CAPRIN1: variants seen among roughly 807,000 people sequenced by gnomAD.
CAPRIN1 encodes the protein cell cycle associated protein 1.
In CAPRIN1, 29 loss-of-function variants were observed where a neutral mutation model predicts 100.9. The observed-to-expected ratio is 0.29, with a 90% CI of 0.21 to 0.39. The LOEUF (loss-of-function observed/expected upper bound fraction) is 0.39. CAPRIN1 is among the 10% of genes least tolerant of loss of function. CAPRIN1 has a pLI of 1.00. For synonymous variants in CAPRIN1, 338 were observed against 307.5 expected (o/e 1.10, Z -1.04); for missense variants, 795 against 876.7 (o/e 0.91, Z 1.18).
At chr11:34,072,182 G>C (rs1412429370) in intron 4 of CAPRIN1, among the ~76,000 whole-genome samples, 195 bp downstream of exon 4, 1 of 151,796 alleles carries the variant, frequency 6.6e-6, no homozygotes, top group Non-Finnish European at 1.5e-5. Context: ...TTTGAAATTG[G>C]GGGCGGTGGC....
At chr11:34,052,304 G>A (rs993516193) in intron 1 of CAPRIN1, 117 bp from the exon 2 acceptor site, 5 of 863,690 alleles carry the variant, frequency 5.8e-6, no homozygotes, top group Admixed American at 2.8e-5. Context: ...TCCCCCACCC[G>A]CTCGCGTAGG....
At chr11:34,082,210 G>A (rs908821878) in intron 7 of CAPRIN1, among the ~76,000 whole-genome samples, 2 of 151,900 alleles carry the variant, frequency 1.3e-5, no homozygotes, top group East Asian at 1.9e-4. Context: ...TTTTTGAGAT[G>A]GAGTTTTGCT....
intron 7 of CAPRIN1, among the ~76,000 whole-genome samples, chr11:34,080,358 G>T (rs1851003290): frequency 6.6e-6 from 1 of 152,154 alleles, no homozygotes; most frequent in Non-Finnish European, 1.5e-5. Context: ...TAGTATTGAT[G>T]GGCAGGAGTA....
chr11:34,082,059 A>G (rs1191888552), intron 7 of CAPRIN1, among the ~76,000 whole-genome samples: 4 of 151,966 alleles, frequency 2.6e-5, no homozygotes, highest in Admixed American at 1.3e-4. Flanking sequence ...TGATCCCCCA[A>G]CCTCGGCCTC....
intron 2 of CAPRIN1, among the ~76,000 whole-genome samples, chr11:34,054,849 TTG>T (rs1435732832): frequency 6.6e-6 from 1 of 152,204 alleles, no homozygotes; most frequent in Non-Finnish European, 1.5e-5. Context: ...ATATTAATGA[TTG>T]TGAACATTAA....
chr11:34,081,518 G>C (rs1369339377), intron 7 of CAPRIN1, among the ~76,000 whole-genome samples: 4 of 149,798 alleles, frequency 2.7e-5, no homozygotes, highest in Non-Finnish European at 4.4e-5. Flanking sequence ...TTTTGAGTCA[G>C]AGTCTAGTTC....
chr11:34,097,608 G>A, intron 17 of CAPRIN1, 90 bp from the exon 18 acceptor site: 1 of 1,436,486 alleles, frequency 7.0e-7, no homozygotes, highest in South Asian at 1.2e-5. Flanking sequence ...GATTAAGGAA[G>A]AATTCTGTAT....
chr11:34,085,492 T>G (rs550365657), intron 9 of CAPRIN1, among the ~76,000 whole-genome samples: 3 of 152,332 alleles, frequency 2.0e-5, no homozygotes, highest in South Asian at 4.1e-4. Context: ...AGGTAATCTT[T>G]CTTTGAAAGC....
chr11:34,083,135 A>G (rs1565093098), intron 9 of CAPRIN1, 94 bp downstream of exon 9: 1 of 822,040 alleles, frequency 1.2e-6, no homozygotes, highest in Non-Finnish European at 2.0e-6. Context: ...TTTTTGCATT[A>G]TTAGTACATT....
At chr11:34,052,972 C>T (rs1850361187) in intron 2 of CAPRIN1, 2 of 1,091,406 alleles carry the variant, frequency 1.8e-6, no homozygotes, top group South Asian at 2.7e-5. Flanking sequence ...GTATGGTGCC[C>T]TTCTTTCCGT....
intron 2 of CAPRIN1, chr11:34,063,297 A>G (rs1233261818): frequency 6.6e-6 from 1 of 152,220 alleles, no homozygotes; most frequent in Non-Finnish European, 1.5e-5. Flanking sequence ...GGAATCCAGA[A>G]TGACATTCTA....
rs1241522343 is a variant in CAPRIN1, at chr11:34,092,039, A to G, written c.1688A>G (p.Gln563Arg). 6.2e-7 allele frequency: 1 copy of G among 1,614,004 alleles called. No homozygotes were observed. Among genetic ancestry groups the G allele is most frequent in the South Asian group, 1.1e-5 (1 of 91,036 alleles). ...CAAGTAGAACAAACAGAGCTTCAGC[A>G]AGAACAGCTTCAAACAGGTACGAAA... The part of the protein sequence containing the change: ...PHQVEQTELQ[Q>R]EQLQTVVGTY... Residue 563 changes from glutamine to arginine, a missense_variant, in exon 15 of 19, where the codon CAA (glutamine) becomes CGA (arginine). Physicochemically the swap from Gln to Arg is conservative, Grantham distance 43. Around this residue, in one of 3 missense-constraint regions of CAPRIN1, gnomAD observed 648 missense variants for 697.9 expected, o/e 0.93. Transcript: ENST00000341394.
chr11:34,052,743 T>C, intron 2 of CAPRIN1, 107 bp downstream of exon 2: 1 of 1,425,630 alleles, frequency 7.0e-7, no homozygotes, highest in Non-Finnish European at 9.5e-7. Context: ...GGAGCGTTAC[T>C]AGGTCCCCTC....
At position 34,102,114 on chromosome 11, in the gene CAPRIN1, A is replaced by G. The variant is rs188462784; in HGVS notation, c.*2747A>G. Among the ~76,000 whole-genome samples the G allele has an allele frequency of 9.8e-5, 15 of 152,314 alleles. No homozygotes were observed. The highest frequency in any genetic ancestry group is 3.4e-4 in the African/African-American group (14 of 41,560). On this transcript the variant is annotated 3_prime_UTR_variant, in exon 19 of 19. Transcript: ENST00000341394. ...GTATTTCTAATCAGTTAGCTTCTAC[A>G]GTTCTTTTGTCTCCTTTTATATGCA...
chr11:34,077,002 T>C (rs1216763831), intron 6 of CAPRIN1, among the ~76,000 whole-genome samples: 2 of 152,230 alleles, frequency 1.3e-5, no homozygotes, highest in Non-Finnish European at 2.9e-5. Context: ...CCCAGAGTGC[T>C]GGGATTACAG....
chr11:34,069,143 C>A (rs1850759590), intron 2 of CAPRIN1, among the ~76,000 whole-genome samples: 1 of 147,288 alleles, frequency 6.8e-6, no homozygotes, highest in African/African-American at 2.5e-5. Flanking sequence ...AAATTCAAAA[C>A]TTATTTAGTT....
intron 1 of CAPRIN1, 178 bp from the exon 2 acceptor site, chr11:34,052,243 T>TCGCGCGCGCGCGCCCGCTGGCGGGTCG (rs139830067): frequency 1.1e-5 from 3 of 279,046 alleles, no homozygotes; most frequent in African/African-American, 6.9e-5. Context: ...CGCTGGCGGG[T>TCGCGCGCGCGCGCCCGCTGGCGGGTCG]CGCGCGCGCG....
intron 2 of CAPRIN1, among the ~76,000 whole-genome samples, chr11:34,069,254 A>C (rs987102452): frequency 5.3e-5 from 8 of 150,142 alleles, no homozygotes; most frequent in African/African-American, 2.0e-4. Context: ...GGTTCAAGCG[A>C]TTCTCCTGCC....
chr11:34,082,889 A>C lies in CAPRIN1; in HGVS notation c.879+12A>C, dbSNP rs748837904. On this transcript the variant is annotated intron_variant, in intron 8 of 18. Coordinates refer to ENST00000341394, the MANE Select transcript of CAPRIN1 (RefSeq NM_005898.5). Reference sequence around the variant, plus strand: ...TTGAATCAACAGAGGTATGATTTTAATTTAATGCTGCCTTTACTTTGCTGC... The same window carrying C: ...TTGAATCAACAGAGGTATGATTTTACTTTAATGCTGCCTTTACTTTGCTGC... 6.2e-7 allele frequency: 1 copy of C among 1,613,828 alleles called. No individual in the cohort carries two copies. Among genetic ancestry groups the C allele is most frequent in the South Asian group, 1.1e-5 (1 of 91,082 alleles).
Sources: gnomAD v4.1 joint callset for allele counts (sites outside exome capture counted in the v4.1 genomes callset) on GRCh38, gnomAD v4.1.1 for gene constraint, gnomAD v4.1.1 regional missense constraint, MANE v1.5 for transcripts, NCBI Gene and HGNC (gene_info 2026-07-23, HGNC 2026-07-21) for gene names.